The following ARHGAP26 variants were observed in gnomAD, a reference collection of about 807,000 sequenced individuals.
ARHGAP26 encodes the protein Rho GTPase activating protein 26.
Under a neutral mutation model 104.8 loss-of-function variants are expected in ARHGAP26, and 38 were observed. That is an observed-to-expected ratio of 0.36 (90% confidence interval 0.28 to 0.48). ARHGAP26 has a LOEUF of 0.48. ARHGAP26 is among the 20% of genes least tolerant of loss of function. The probability of loss-of-function intolerance (pLI) is 0.99; values close to 1 mark genes in which losing one functional copy is unlikely to be tolerated. For missense variants in ARHGAP26, 704 were observed against 947.9 expected (o/e 0.74, Z 3.38); for synonymous variants, 341 against 340.0 (o/e 1.00, Z -0.03).
At chr5:143,132,810 T>A (rs533836735) in intron 18 of ARHGAP26, among the ~76,000 whole-genome samples, 1 of 151,738 alleles carries the variant, frequency 6.6e-6, no homozygotes, top group South Asian at 2.1e-4. Context: ...GTGTGTTGAT[T>A]GAATGAATGA....
In ARHGAP26 at chr5:143,098,436, G is replaced by A. The variant is rs72801219; in HGVS notation, c.1539-22552G>A. 9.9e-3 allele frequency among the ~76,000 whole-genome samples: 1,512 copies of A among 152,132 alleles called. 12 individuals are homozygous for A. The highest frequency in any genetic ancestry group is 0.015 in the Non-Finnish European group (1,021 of 68,002). ...AGTTTGACTTAAAACCAGTTCTTGG[G>A]AATAATTAGTATGGGAAGTTTAATT... On this transcript the variant is annotated intron_variant, in intron 17 of 22. Coordinates refer to ENST00000645722, the MANE Select transcript of ARHGAP26 (RefSeq NM_001135608.3).
intron 17 of ARHGAP26, among the ~76,000 whole-genome samples, chr5:143,088,938 G>A (rs1030774622): frequency 1.3e-5 from 2 of 152,190 alleles, no homozygotes; most frequent in African/African-American, 4.8e-5. Flanking sequence ...ATGGGAATGA[G>A]TCAGGGTGGA....
intron 17 of ARHGAP26, among the ~76,000 whole-genome samples, chr5:143,064,261 C>T (rs959008764): frequency 1.3e-5 from 2 of 152,024 alleles, no homozygotes; most frequent in African/African-American, 4.8e-5. Flanking sequence ...CTCCTACCTG[C>T]CTGGCCGTGT....
chr5:143,214,732 A>T (rs1810058511), intron 22 of ARHGAP26, among the ~76,000 whole-genome samples: 1 of 152,208 alleles, frequency 6.6e-6, no homozygotes, highest in South Asian at 2.1e-4. Context: ...TCCATCAGGT[A>T]CAGGTAGACA....
intron 11 of ARHGAP26, among the ~76,000 whole-genome samples, chr5:142,989,784 C>T (rs1442576343): frequency 2.6e-5 from 4 of 152,238 alleles, no homozygotes; most frequent in African/African-American, 7.2e-5. Context: ...AATATTGGCC[C>T]CCACTCTTCT....
intron 1 of ARHGAP26, among the ~76,000 whole-genome samples, chr5:142,825,345 A>G (rs911108461): frequency 6.6e-6 from 1 of 152,204 alleles, no homozygotes; most frequent in Non-Finnish European, 1.5e-5. Flanking sequence ...GGAGGTGGCC[A>G]TGAGGGACAG....
chr5:142,939,634 A>G (rs2152555610), intron 11 of ARHGAP26, among the ~76,000 whole-genome samples: 1 of 152,348 alleles, frequency 6.6e-6, no homozygotes, highest in Middle Eastern at 3.4e-3. Context: ...TACTGTTAAG[A>G]TGAGCTCTCA....
intron 11 of ARHGAP26, among the ~76,000 whole-genome samples, chr5:142,968,707 A>G (rs1402278965): frequency 3.3e-5 from 5 of 152,188 alleles, no homozygotes; most frequent in Non-Finnish European, 7.4e-5. Context: ...ATTGTGCTTC[A>G]CATGTTCTTT....
chr5:142,834,750 C>T (rs1051709661), intron 1 of ARHGAP26, among the ~76,000 whole-genome samples: 5 of 152,254 alleles, frequency 3.3e-5, no homozygotes, highest in Non-Finnish European at 7.3e-5. Context: ...CTCACTTCTG[C>T]CACATTCTGT....
intron 1 of ARHGAP26, among the ~76,000 whole-genome samples, chr5:142,820,944 G>A (rs28422940): frequency 0.017 from 2,547 of 152,192 alleles, 42 homozygotes; most frequent in African/African-American, 0.041. Context: ...CTCCACCTCC[G>A]CTAGAAATCA....
Position 143,222,515 on chromosome 5 carries a change from G to A in ARHGAP26, c.*69G>A. On this transcript the variant is annotated 3_prime_UTR_variant, in exon 23 of 23. Transcript: ENST00000645722. Reference sequence around the variant, plus strand: ...GACAACTGCTGATTCCAGTGTCGAGGCCATTTCTCTTTGCCACTGAGAAAT... The same window carrying A: ...GACAACTGCTGATTCCAGTGTCGAGACCATTTCTCTTTGCCACTGAGAAAT... The A allele has an allele frequency of 2.3e-6, 3 of 1,303,770 alleles. No individual in the cohort carries two copies. The highest frequency in any genetic ancestry group is 3.1e-6 in the Non-Finnish European group (3 of 958,306). 80.8% of individuals were successfully genotyped at this position (1,303,770 alleles called of 1,614,324 possible). A position where few individuals can be genotyped will look rare whatever the true frequency, so the allele number is the denominator to read the frequency against.
intron 17 of ARHGAP26, among the ~76,000 whole-genome samples, chr5:143,077,428 C>T (rs539100846): frequency 6.6e-6 from 1 of 152,296 alleles, no homozygotes; most frequent in Admixed American, 6.5e-5. Context: ...TAGAAAACCC[C>T]AGCACCGGTT....
At chr5:142,866,871 C>G (rs1754376297) in intron 1 of ARHGAP26, 1 of 152,206 alleles carries the variant, frequency 6.6e-6, no homozygotes, top group Admixed American at 6.5e-5. Context: ...TTTTCTGAAT[C>G]TGCTCCAGCC....
intron 1 of ARHGAP26, among the ~76,000 whole-genome samples, chr5:142,824,712 G>A (rs866605101): frequency 6.6e-6 from 1 of 151,918 alleles, no homozygotes; most frequent in African/African-American, 2.4e-5. Flanking sequence ...GTGTCTCTGT[G>A]GGACTTAAGA....
At chr5:142,966,793 A>C (rs1410381898) in intron 11 of ARHGAP26, among the ~76,000 whole-genome samples, 1 of 152,236 alleles carries the variant, frequency 6.6e-6, no homozygotes, top group African/African-American at 2.4e-5. Flanking sequence ...TTACATAGGT[A>C]TACATGTAAT....
intron 19 of ARHGAP26, among the ~76,000 whole-genome samples, chr5:143,140,354 C>A (rs760704257): frequency 6.6e-6 from 1 of 152,190 alleles, no homozygotes; most frequent in Non-Finnish European, 1.5e-5. Context: ...AATGTCATCT[C>A]TATCACCTAC....
At chr5:143,212,169 C>T (rs934519709) in intron 21 of ARHGAP26, among the ~76,000 whole-genome samples, 2 of 152,184 alleles carry the variant, frequency 1.3e-5, no homozygotes, top group Non-Finnish European at 2.9e-5. Context: ...GCCCTGTCCT[C>T]AAGAGGCAGA....
intron 18 of ARHGAP26, among the ~76,000 whole-genome samples, chr5:143,128,886 G>T (rs1797008801): frequency 6.6e-6 from 1 of 152,174 alleles, no homozygotes; most frequent in Non-Finnish European, 1.5e-5. Flanking sequence ...TGTAGACTAG[G>T]AGCTCTTCGT....
At chr5:143,152,819 ATC>A (rs1800008486) in intron 20 of ARHGAP26, among the ~76,000 whole-genome samples, 1 of 152,218 alleles carries the variant, frequency 6.6e-6, no homozygotes, top group East Asian at 1.9e-4. Flanking sequence ...AAGCCCAGCT[ATC>A]TCTCTCAGCG....
Sources: gnomAD v4.1 joint callset for allele counts (sites outside exome capture counted in the v4.1 genomes callset) on GRCh38, gnomAD v4.1.1 for gene constraint, MANE v1.5 for transcripts, NCBI Gene and HGNC (gene_info 2026-07-23, HGNC 2026-07-21) for gene names.